Variants in ZBED4 observed in about 807,000 individuals in gnomAD.
ZBED4 encodes zinc finger BED domain-containing protein 4.
ZBED4 carries 4 observed loss-of-function variants against 15.5 expected under a neutral mutation model. The ratio of observed to expected loss-of-function variants is 0.26; its 90% CI spans 0.13 to 0.59. The LOEUF (loss-of-function observed/expected upper bound fraction) is 0.59, where lower values mean the gene tolerates loss of function less well. Ranked by LOEUF, ZBED4 falls within the 20% of genes least tolerant of loss-of-function variation. ZBED4 has a pLI of 0.90. For missense variants in ZBED4, 1,323 were observed against 1,461.8 expected (o/e 0.91, Z 1.55); for synonymous variants, 692 against 608.5 (o/e 1.14, Z -2.02).
chr22:49,883,597 C>T lies in ZBED4; in HGVS notation c.-66C>T, dbSNP rs2060420580. The T allele has an allele frequency of 6.9e-7, 1 of 1,454,566 alleles. No homozygotes were observed. Among genetic ancestry groups the T allele is most frequent in the Admixed American group, 2.3e-5 (1 of 42,634 alleles). The allele number at this position is 1,454,566 out of a possible 1,614,324, so 90.1% of individuals were successfully genotyped here. On this transcript the variant is annotated 5_prime_UTR_variant, in exon 2 of 2. Transcript: ENST00000216268. ...AGTGAAGATAATCTACATTCGGGGGCACAAATGAGCACTTGGATCAGTGTT... is the reference window on the plus strand; with the variant it reads ...AGTGAAGATAATCTACATTCGGGGGTACAAATGAGCACTTGGATCAGTGTT...
Position 49,884,260 on chromosome 22 carries a change from A to C in ZBED4, c.598A>C (p.Ser200Arg). 1 of 1,609,660 alleles carries C rather than the reference A, an allele frequency of 6.2e-7. No individual in the cohort carries two copies. Among genetic ancestry groups the C allele is most frequent in the Non-Finnish European group, 8.5e-7 (1 of 1,177,678 alleles). Residue 200 changes from serine to arginine, a missense_variant, in exon 2 of 2, where the codon AGC becomes CGC. By Grantham distance (110) the Ser-to-Arg change is moderately radical. Around this residue, in one of 6 missense-constraint regions of ZBED4, gnomAD observed 380 missense variants for 413.7 expected, o/e 0.92. Transcript: ENST00000216268. ...PPQPADAGDL[S>R]TILSPIKLVQ... Reference sequence around the variant, plus strand: ...ACAGCCTGCGGACGCGGGTGACCTCAGCACCATCCTCTCACCCATCAAACT... The same window carrying C: ...ACAGCCTGCGGACGCGGGTGACCTCCGCACCATCCTCTCACCCATCAAACT...
In ZBED4 at chr22:49,884,915, A is replaced by G; in HGVS notation, c.1253A>G (p.Asp418Gly). The G allele has an allele frequency of 2.5e-6, 4 of 1,603,040 alleles. No individual in the cohort carries two copies. The highest frequency in any genetic ancestry group is 2.2e-5 in the East Asian group (1 of 44,724). ...MEDVAAFSSS[D>G]DIGEASASSP... The stretch of plus-strand genomic sequence containing the variant: ...GACGTGGCGGCCTTCTCATCTTCCG[A>G]TGACATAGGGGAGGCCTCGGCGTCC... Residue 418 changes from aspartate (D) to glycine (G), a missense_variant, in exon 2 of 2, where the codon GAT becomes GGT. This residue lies in a region of ZBED4 where 429 missense variants were observed against 397.9 expected (regional missense o/e 1.08). Coordinates refer to ENST00000216268, the MANE Select transcript of ZBED4 (RefSeq NM_014838.3).
chr22:49,856,222 G>A (rs2060274024), intron 1 of ZBED4, among the ~76,000 whole-genome samples: 1 of 152,262 alleles, frequency 6.6e-6, no homozygotes, highest in Admixed American at 6.5e-5. Flanking sequence ...GCGGAGGGGA[G>A]CAGGAGAGAC....
chr22:49,884,560 G>C lies in ZBED4; in HGVS notation c.898G>C (p.Asp300His), dbSNP rs781431486. Residue 300 changes from aspartate (D) to histidine (H), a missense_variant, in exon 2 of 2, where the codon GAC becomes CAC. Around this residue, in one of 6 missense-constraint regions of ZBED4, gnomAD observed 380 missense variants for 413.7 expected, o/e 0.92. Transcript: ENST00000216268. Reference sequence around the variant, plus strand: ...GAAGCACTTCTACCTGTCGCCACTGGACAACTCCAAAGCTGTCTGCATTCA... The same window carrying C: ...GAAGCACTTCTACCTGTCGCCACTGCACAACTCCAAAGCTGTCTGCATTCA... ...VWKHFYLSPL[D>H]NSKAVCIHCM... 3 of 1,613,370 alleles carry C rather than the reference G, an allele frequency of 1.9e-6. No individual in the cohort carries two copies. In the Admixed American group the frequency reaches 5.0e-5, roughly 27 times the overall value.
intron 1 of ZBED4, among the ~76,000 whole-genome samples, chr22:49,858,556 A>C (rs1306456674): frequency 6.6e-6 from 1 of 152,172 alleles, no homozygotes; most frequent in Non-Finnish European, 1.5e-5. Flanking sequence ...CCTTGCCCCC[A>C]GCTGGAGCTA....
intron 1 of ZBED4, among the ~76,000 whole-genome samples, chr22:49,858,740 G>A (rs543631422): frequency 1.3e-5 from 2 of 152,310 alleles, no homozygotes; most frequent in East Asian, 3.9e-4. Flanking sequence ...GTGTCCCTTG[G>A]CGTCATCCAG....
intron 1 of ZBED4, among the ~76,000 whole-genome samples, chr22:49,869,383 C>T (rs1323004252): frequency 2.0e-5 from 3 of 152,178 alleles, no homozygotes; most frequent in Non-Finnish European, 4.4e-5. Context: ...TTTTTGGCAG[C>T]GCTCGTCCTC....
chr22:49,867,916 C>T (rs2060329422), intron 1 of ZBED4, among the ~76,000 whole-genome samples: 1 of 152,238 alleles, frequency 6.6e-6, no homozygotes, highest in Admixed American at 6.5e-5. Context: ...AATCACCTGA[C>T]ACAAAGCCTG....
At chr22:49,881,084 G>A (rs2060407200) in intron 1 of ZBED4, among the ~76,000 whole-genome samples, 1 of 152,196 alleles carries the variant, frequency 6.6e-6, no homozygotes, top group Non-Finnish European at 1.5e-5. Flanking sequence ...AGTGGCTCAG[G>A]CCTGTAAACC....
intron 1 of ZBED4, among the ~76,000 whole-genome samples, chr22:49,857,204 C>G (rs1056467861): frequency 2.0e-4 from 31 of 152,192 alleles, no homozygotes; most frequent in African/African-American, 6.8e-4. Context: ...CTGGTTGCTC[C>G]GTCATAGAAG....
chr22:49,886,424 T>C lies in ZBED4; in HGVS notation c.2762T>C (p.Leu921Pro). 6.3e-7 allele frequency: 1 copy of C among 1,593,512 alleles called. No homozygotes were observed. The highest frequency in any genetic ancestry group is 8.6e-7 in the Non-Finnish European group (1 of 1,166,792). ...TCCGTCGAGTGTAACTTCCGAGAGC[T>C]GATCAGCTGCGACCAGTGGGAGGTC... ...EMSVECNFRE[L>P]ISCDQWEVMQ... is the part of the protein sequence containing the mutation. Residue 921 changes from leucine (L) to proline (P), a missense_variant, in exon 2 of 2, where the codon CTG (leucine) becomes CCG (proline). Transcript: ENST00000216268. This position sits in a 1 kb window ranked among gnomAD's most constrained non-coding sequence, Gnocchi z 7.7.
In ZBED4 at chr22:49,885,474, A is replaced by G. The variant is rs543682137; in HGVS notation, c.1812A>G (p.Leu604=). Residue 604 remains leucine, a synonymous_variant, in exon 2 of 2, where the codon TTA becomes TTG. Coordinates refer to ENST00000216268, the MANE Select transcript of ZBED4 (RefSeq NM_014838.3). ...NLGTSCLLRH[L]QRFHSNVLKT... ...GTACCAGCTGTCTTCTGAGACATTT[A>G]CAGCGGTTCCATAGCAACGTGCTGA... The G allele has an allele frequency of 1.2e-6, 2 of 1,612,504 alleles. No individual in the cohort carries two copies. The highest frequency in any genetic ancestry group is 2.7e-5 in the African/African-American group (2 of 75,006).
chr22:49,876,962 A>G (rs933806874), intron 1 of ZBED4, among the ~76,000 whole-genome samples: 3 of 152,214 alleles, frequency 2.0e-5, no homozygotes, highest in Non-Finnish European at 4.4e-5. Context: ...AAAATAGATG[A>G]TTCTGATGAT....
rs775981110 is a variant in ZBED4 at position 49,886,618 on chromosome 22, A to C, written c.2956A>C (p.Lys986Gln). The C allele has an allele frequency of 1.9e-6, 3 of 1,578,962 alleles. No homozygotes were observed. The highest frequency in any genetic ancestry group is 2.3e-5 in the South Asian group (2 of 85,640). ...MGIDTMLRSL[K>Q]EAMVSRLSAT... is the part of the protein sequence containing the mutation. ...CATCGACACCATGCTGCGCTCTCTGAAGGAGGCCATGGTGAGCCGCCTGTC... is the reference window on the plus strand; with the variant it reads ...CATCGACACCATGCTGCGCTCTCTGCAGGAGGCCATGGTGAGCCGCCTGTC... The change falls in exon 2 of 2, where the codon AAG (lysine) becomes CAG (glutamine). Residue 986 changes from lysine (K) to glutamine (Q), a missense_variant. Lys to Gln is a moderately conservative substitution (Grantham distance 53). This residue lies in a region of ZBED4 where 312 missense variants were observed against 410.7 expected (regional missense o/e 0.76). Coordinates refer to ENST00000216268, the MANE Select transcript of ZBED4 (RefSeq NM_014838.3). The surrounding 1 kb of genome is among the most constrained non-coding windows in gnomAD (Gnocchi z 7.7).
chr22:49,856,193 G>A (rs544349790), intron 1 of ZBED4, among the ~76,000 whole-genome samples: 219 of 152,350 alleles, frequency 1.4e-3, no homozygotes, highest in African/African-American at 5.0e-3. Flanking sequence ...AATAAAATAA[G>A]CTCTTTGCCA....
In ZBED4 at chr22:49,885,980, C is replaced by T. The variant is rs201726248; in HGVS notation, c.2318C>T (p.Ser773Leu). The change falls in exon 2 of 2, where the codon TCG (serine) becomes TTG (leucine). Residue 773 changes from serine (S) to leucine (L), a missense_variant. Ser to Leu is a moderately radical substitution (Grantham distance 145, BLOSUM62 -2). This residue lies in a region of ZBED4 where 100 missense variants were observed against 79.3 expected (regional missense o/e 1.26). Coordinates refer to ENST00000216268, the MANE Select transcript of ZBED4 (RefSeq NM_014838.3). ...CACTGCTCGGCGCTGTTGGACGTGT[C>T]GCAGGTGGACTGCGACTACAGTGGC... ...DHHCSALLDV[S>L]QVDCDYSGNS... The T allele has an allele frequency of 1.0e-4, 70 of 699,876 alleles. 1 individual carries two copies. The highest frequency in any genetic ancestry group is 7.9e-4 in the East Asian group (32 of 40,400). The allele number at this position is 699,876 out of a possible 1,614,324, so 43.4% of individuals were successfully genotyped here.
Position 49,884,427 on chromosome 22 carries a change from T to G in ZBED4, c.765T>G (p.Ser255=). ...GAGAAGAAGCCCTGGTGGGGTCGTCTCCCCACCTCCCTGCTCTCCATTACG... is the reference window on the plus strand; with the variant it reads ...GAGAAGAAGCCCTGGTGGGGTCGTCGCCCCACCTCCCTGCTCTCCATTACG... ...CGREEALVGS[S]PHLPALHYDE... The change falls in exon 2 of 2, where the codon TCT becomes TCG. Residue 255 remains serine (S), a synonymous_variant. Transcript: ENST00000216268. 3 of 1,613,934 alleles carry G rather than the reference T, an allele frequency of 1.9e-6. No individual in the cohort carries two copies. Among genetic ancestry groups the G allele is most frequent in the Non-Finnish European group, 2.5e-6 (3 of 1,179,910 alleles).
rs181178469 is a variant in ZBED4, at chr22:49,886,396, A to T, written c.2734A>T (p.Met912Leu). 6 of 1,607,424 alleles carry T rather than the reference A, an allele frequency of 3.7e-6. No homozygotes were observed. Among genetic ancestry groups the T allele is most frequent in the Admixed American group, 3.4e-5 (2 of 59,568 alleles). ...LIEQKRAINE[M>L]SVECNFRELI... ...TGAGCAGAAAAGGGCCATTAACGAG[A>T]TGTCCGTCGAGTGTAACTTCCGAGA... Residue 912 changes from methionine to leucine, a missense_variant, in exon 2 of 2, where the codon ATG becomes TTG. By Grantham distance (15) the Met-to-Leu change is conservative (BLOSUM62 2). Transcript: ENST00000216268. This position sits in a 1 kb window ranked among gnomAD's most constrained non-coding sequence, Gnocchi z 7.7.
chr22:49,870,952 T>A (rs988910866), intron 1 of ZBED4, among the ~76,000 whole-genome samples: 2 of 151,500 alleles, frequency 1.3e-5, no homozygotes, highest in Non-Finnish European at 2.9e-5. Context: ...GATTTTTTTT[T>A]TTTTTTGAGA....
Sources: allele counts gnomAD v4.1 joint callset (sites outside exome capture counted in the v4.1 genomes callset), GRCh38; gene constraint gnomAD v4.1.1; regional missense constraint gnomAD v4.1.1; non-coding constraint Gnocchi (gnomAD v3.1); transcripts MANE v1.5; gene names NCBI Gene and HGNC (gene_info 2026-07-23, HGNC 2026-07-21).